USP10: variants seen among roughly 807,000 people sequenced by gnomAD.
USP10 encodes ubiquitin specific peptidase 10.
In USP10, 22 loss-of-function variants were observed where a neutral mutation model predicts 84.5. The observed-to-expected ratio is 0.26, with a 90% CI of 0.19 to 0.37. The LOEUF (loss-of-function observed/expected upper bound fraction) is 0.37, where lower values mean the gene tolerates loss of function less well. Ranked by LOEUF, USP10 falls within the 10% of genes least tolerant of loss-of-function variation. USP10 has a pLI of 1.00. For synonymous variants in USP10, 454 were observed against 387.6 expected, an observed-to-expected ratio of 1.17 and a Z score of -2.01; for missense variants, 1,019 against 998.9, an observed-to-expected ratio of 1.02 and a Z score of -0.27.
At chr16:84,775,677 G>A (rs543570322) in intron 13 of USP10, among the ~76,000 whole-genome samples, 17 of 152,280 alleles carry the variant, frequency 1.1e-4, no homozygotes, top group East Asian at 5.8e-4. Flanking sequence ...GGGTGGGCCC[G>A]ATTACACAAG....
At chr16:84,760,092 G>A in intron 7 of USP10, 80 bp from the exon 8 acceptor site, 2 of 1,517,446 alleles carry the variant, frequency 1.3e-6, no homozygotes, top group African/African-American at 1.4e-5. Flanking sequence ...GGGAGGTGGG[G>A]GAGTTTTGAT....
At chr16:84,731,658 C>T (rs1439775157) in intron 1 of USP10, among the ~76,000 whole-genome samples, 1 of 152,162 alleles carries the variant, frequency 6.6e-6, no homozygotes, top group Non-Finnish European at 1.5e-5. Context: ...AAATGTTGCC[C>T]CATTGCCTTC....
chr16:84,761,909 C>T (rs1055823832), intron 8 of USP10, among the ~76,000 whole-genome samples: 3 of 152,242 alleles, frequency 2.0e-5, no homozygotes, highest in Non-Finnish European at 4.4e-5. Flanking sequence ...CCAGTTTTTG[C>T]CCTTTTCTGC....
chr16:84,710,519 A>G (rs370353711), intron 1 of USP10, among the ~76,000 whole-genome samples: 70 of 152,276 alleles, frequency 4.6e-4, no homozygotes, highest in African/African-American at 1.6e-3. Flanking sequence ...GTAATTGGAT[A>G]GAGTAGTTAG....
chr16:84,768,122 C>T (rs897668615), intron 10 of USP10, 71 bp from the exon 11 acceptor site: 3 of 1,447,436 alleles, frequency 2.1e-6, no homozygotes, highest in African/African-American at 1.4e-5. Context: ...TGTTTATTCC[C>T]TTGGTTAATC....
At chr16:84,760,872 T>C (rs555452002) in intron 8 of USP10, among the ~76,000 whole-genome samples, 1 of 152,298 alleles carries the variant, frequency 6.6e-6, no homozygotes, top group South Asian at 2.1e-4. Context: ...ATTGAGTTTG[T>C]GATGAATCAG....
At chr16:84,741,059 G>T (rs1233571231) in intron 3 of USP10, among the ~76,000 whole-genome samples, 1 of 152,214 alleles carries the variant, frequency 6.6e-6, no homozygotes, top group Non-Finnish European at 1.5e-5. Flanking sequence ...GCCCTTACTG[G>T]CCTCCAGGAA....
At chr16:84,727,124 T>G (rs1908594960) in intron 1 of USP10, among the ~76,000 whole-genome samples, 1 of 152,236 alleles carries the variant, frequency 6.6e-6, no homozygotes, top group South Asian at 2.1e-4. Flanking sequence ...AGCTCTGCAC[T>G]TTCTTTGAAA....
At chr16:84,708,204 CTT>C (rs1187649109) in intron 1 of USP10, among the ~76,000 whole-genome samples, 1 of 152,082 alleles carries the variant, frequency 6.6e-6, no homozygotes, top group Non-Finnish European at 1.5e-5. Flanking sequence ...AATCCCAGCA[CTT>C]TGGGAGGTCG....
At chr16:84,702,139 C>T (rs1904963992) in intron 1 of USP10, among the ~76,000 whole-genome samples, 1 of 143,324 alleles carries the variant, frequency 7.0e-6, no homozygotes, top group African/African-American at 2.6e-5. Flanking sequence ...CCACTGCAAC[C>T]TCTGCCTCCC....
chr16:84,713,114 G>A (rs927280583), intron 1 of USP10, among the ~76,000 whole-genome samples: 1 of 152,180 alleles, frequency 6.6e-6, no homozygotes, highest in Non-Finnish European at 1.5e-5. Context: ...AGAGCTTTTC[G>A]GTTGGTTTGC....
rs1911105857 is a variant in USP10, at chr16:84,745,422, C to T, written c.941C>T (p.Pro314Leu). Residue 314 changes from proline (P) to leucine (L), a missense_variant, in exon 4 of 14, where the codon CCA becomes CTA. Coordinates refer to ENST00000219473, the MANE Select transcript of USP10 (RefSeq NM_005153.3). ...LHTTESIDLD[P>L]TKPESASPPA... is the part of the protein sequence containing the mutation. ...ACCACGGAAAGCATAGACTTGGACCCAACCAAACCCGAGAGTGCATCACCT... is the reference window on the plus strand; with the variant it reads ...ACCACGGAAAGCATAGACTTGGACCTAACCAAACCCGAGAGTGCATCACCT... 6.2e-6 allele frequency: 10 copies of T among 1,613,756 alleles called. No individual in the cohort carries two copies. Among genetic ancestry groups the T allele is most frequent in the Non-Finnish European group, 8.5e-6 (10 of 1,179,706 alleles).
intron 1 of USP10, among the ~76,000 whole-genome samples, chr16:84,723,606 T>G (rs1011339887): frequency 2.6e-5 from 4 of 152,234 alleles, no homozygotes; most frequent in Admixed American, 1.3e-4. Flanking sequence ...TTCCTCTTCC[T>G]GAATTCATTT....
intron 2 of USP10, among the ~76,000 whole-genome samples, chr16:84,734,096 C>T (rs902379936): frequency 2.0e-5 from 3 of 152,168 alleles, no homozygotes; most frequent in Non-Finnish European, 4.4e-5. Context: ...TTTATCATGT[C>T]TCCTGGTGCC....
chr16:84,730,339 G>A (rs889184363), intron 1 of USP10, among the ~76,000 whole-genome samples: 42 of 150,936 alleles, frequency 2.8e-4, no homozygotes, highest in African/African-American at 1.0e-3. Flanking sequence ...AAGATCTCTC[G>A]CTGTCTGTAC....
At chr16:84,709,570 G>A (rs148854126) in intron 1 of USP10, among the ~76,000 whole-genome samples, 4 of 152,154 alleles carry the variant, frequency 2.6e-5, no homozygotes, top group African/African-American at 7.2e-5. Context: ...TCACGGGGTC[G>A]CAGTGGCCAT....
intron 4 of USP10, among the ~76,000 whole-genome samples, chr16:84,752,902 A>AT (rs1230661844): frequency 6.6e-6 from 1 of 152,216 alleles, no homozygotes; most frequent in Non-Finnish European, 1.5e-5. Context: ...ATCTTTGACA[A>AT]TAAGTATTTA....
intron 4 of USP10, among the ~76,000 whole-genome samples, chr16:84,756,272 C>A (rs1334969319): frequency 1.3e-5 from 2 of 152,212 alleles, no homozygotes; most frequent in African/African-American, 4.8e-5. Context: ...GGTTTACTCG[C>A]CTTCAGCGAA....
At chr16:84,755,424 C>A (rs552987099) in intron 4 of USP10, among the ~76,000 whole-genome samples, 1 of 151,992 alleles carries the variant, frequency 6.6e-6, no homozygotes, top group African/African-American at 2.4e-5. Context: ...GAGCAGCCTG[C>A]ACTTGCTGTC....
Sources: gnomAD v4.1 joint callset for allele counts (sites outside exome capture counted in the v4.1 genomes callset) on GRCh38, gnomAD v4.1.1 for gene constraint, MANE v1.5 for transcripts, NCBI Gene and HGNC (gene_info 2026-07-23, HGNC 2026-07-21) for gene names.